RYR2: variants seen among roughly 807,000 people sequenced by gnomAD.
The protein encoded by RYR2 is ryanodine receptor 2.
Under a neutral mutation model 601.1 loss-of-function variants are expected in RYR2, and 227 were observed. The ratio of observed to expected loss-of-function variants is 0.38; its 90% confidence interval spans 0.34 to 0.42. The LOEUF (loss-of-function observed/expected upper bound fraction) is 0.42. Among genes scored for constraint, RYR2 ranks in the 10% least tolerant of loss-of-function variants. The pLI is 1.00. For missense variants in RYR2, 4,646 were observed against 6,156.5 expected, an observed-to-expected ratio of 0.75 and a Z score of 8.21; for synonymous variants, 2,223 against 2,175.1, an observed-to-expected ratio of 1.02 and a Z score of -0.61.
intron 53 of RYR2, among the ~76,000 whole-genome samples, chr1:237,656,396 A>T (rs1333538083): frequency 1.3e-5 from 2 of 152,220 alleles, no homozygotes; most frequent in Non-Finnish European, 2.9e-5. Context: ...CCCTTCACCC[A>T]TCACTACATC....
intron 12 of RYR2, among the ~76,000 whole-genome samples, chr1:237,425,835 A>G (rs995861111): frequency 6.6e-6 from 1 of 152,136 alleles, no homozygotes; most frequent in African/African-American, 2.4e-5. Flanking sequence ...GTCCAAATAC[A>G]TGTCGTTCAA....
At chr1:237,465,054 T>C (rs1288461152) in intron 16 of RYR2, among the ~76,000 whole-genome samples, 1 of 151,230 alleles carries the variant, frequency 6.6e-6, no homozygotes, top group Non-Finnish European at 1.5e-5. Context: ...GTAAAATGTA[T>C]TGGTACCCAT....
rs10679267 is a variant in RYR2 at position 237,687,366 on chromosome 1, C to CTTTT, written c.9018-74_9018-71dup. 1.8e-3 allele frequency: 476 copies of CTTTT among 258,872 alleles called. 2 individuals carry two copies. Among genetic ancestry groups the CTTTT allele is most frequent in the South Asian group, 2.5e-3 (60 of 24,144 alleles). 16.0% of individuals were successfully genotyped at this position (258,872 alleles called of 1,614,324 possible). ...CTGTTTTTTTTTCTTTTTTCTTCTT[C>CTTTT]TTTTTTTTTTTTTTTTTTAATTTCC... On this transcript the variant is annotated intron_variant, in intron 62 of 104. Coordinates refer to ENST00000366574, the MANE Select transcript of RYR2 (RefSeq NM_001035.3).
Position 237,614,499 on chromosome 1 carries a change from A to G in RYR2, c.5371A>G (p.Thr1791Ala), listed in dbSNP as rs1025023837. 8 of 1,613,756 alleles carry G rather than the reference A, an allele frequency of 5.0e-6. No individual in the cohort carries two copies. The African/African-American group carries it at 9.3e-5, about 19-fold the overall frequency. ...EFPLDILKSK[T>A]IQMLTEAVKE... ...CCCACTGGACATCCTCAAGTCCAAA[A>G]CCATACAGATGCTGACAGAAGCTGT... is the stretch of plus-strand genomic sequence containing the variant. The change falls in exon 37 of 105, where the codon ACC becomes GCC. Residue 1791 changes from threonine to alanine, a missense_variant. Around this residue, in one of 17 missense-constraint regions of RYR2, gnomAD observed 1,807 missense variants for 2,088.1 expected, o/e 0.87. Coordinates refer to ENST00000366574, the MANE Select transcript of RYR2 (RefSeq NM_001035.3). The surrounding 1 kb of genome is among the most constrained non-coding windows in gnomAD (Gnocchi z 4.3).
At chr1:237,537,599 G>T (rs977909357) in intron 25 of RYR2, among the ~76,000 whole-genome samples, 1 of 152,150 alleles carries the variant, frequency 6.6e-6, no homozygotes, top group African/African-American at 2.4e-5. Context: ...ACAGGTGTGA[G>T]CCACCGTGCC....
In RYR2 at chr1:237,584,649, G is replaced by GTTTTTTGTT. The variant is rs763528934; in HGVS notation, c.3599-5138_3599-5137insGTTTTTTTT. ...AAGGCCCAAATCCAGCTCACCACCTGTTTTTTTTTTTTTTTTTTTTTTTTG... is the reference window on the plus strand; with the variant it reads ...AAGGCCCAAATCCAGCTCACCACCTGTTTTTTGTTTTTTTTTTTTTTTTTTTTTTTTTTG... On this transcript the variant is annotated intron_variant, in intron 29 of 104. Transcript: ENST00000366574. Among the ~76,000 whole-genome samples the GTTTTTTGTT allele has an allele frequency of 9.7e-3, 701 of 72,378 alleles. 7 individuals carry two copies. The highest frequency in any genetic ancestry group is 0.021 in the African/African-American group (388 of 18,784). The allele number at this position is 72,378 out of a possible 152,430, so 47.5% of individuals were successfully genotyped here.
At chr1:237,822,090 G>A (rs557650233) in intron 101 of RYR2, among the ~76,000 whole-genome samples, 2 of 152,218 alleles carry the variant, frequency 1.3e-5, no homozygotes, top group Non-Finnish European at 2.9e-5. Context: ...AACCAAGTTG[G>A]AAAACACTCT....
At chr1:237,772,174 GT>G (rs1312411346) in intron 86 of RYR2, 74 bp downstream of exon 86, 5 of 804,620 alleles carry the variant, frequency 6.2e-6, no homozygotes, top group Non-Finnish European at 1.0e-5. Flanking sequence ...GTTTTAATGT[GT>G]TTTGGTTTAT....
intron 1 of RYR2, among the ~76,000 whole-genome samples, chr1:237,105,754 A>G (rs1170890648): frequency 6.6e-6 from 1 of 150,588 alleles, no homozygotes; most frequent in Non-Finnish European, 1.5e-5. Flanking sequence ...GAATCGCTTG[A>G]ACCCAGGAGG....
At chr1:237,611,842 C>G (rs1677903763) in intron 36 of RYR2, among the ~76,000 whole-genome samples, 1 of 151,926 alleles carries the variant, frequency 6.6e-6, no homozygotes, top group Non-Finnish European at 1.5e-5. Flanking sequence ...AAAATTTAAC[C>G]TATGCTTTGG....
intron 1 of RYR2, among the ~76,000 whole-genome samples, chr1:237,217,970 A>G (rs1316914292): frequency 6.6e-6 from 1 of 152,244 alleles, no homozygotes; most frequent in African/African-American, 2.4e-5. Context: ...TTAGTGACTA[A>G]TAACTTTGTG....
intron 100 of RYR2, among the ~76,000 whole-genome samples, chr1:237,814,111 C>T (rs970236339): frequency 6.6e-6 from 1 of 152,206 alleles, no homozygotes; most frequent in Non-Finnish European, 1.5e-5. Flanking sequence ...CAAACACTTA[C>T]TTTTAATTTG....
intron 24 of RYR2, among the ~76,000 whole-genome samples, chr1:237,529,553 A>G (rs1267703659): frequency 2.0e-5 from 3 of 152,076 alleles, no homozygotes; most frequent in Admixed American, 1.3e-4. Context: ...TATTATAGAG[A>G]TAAGTATTAT....
intron 78 of RYR2, 52 bp downstream of exon 78, chr1:237,732,201 C>G: frequency 3.8e-6 from 4 of 1,043,496 alleles, no homozygotes; most frequent in Non-Finnish European, 5.9e-6. Flanking sequence ...TAAAGACACC[C>G]GTGTCTGAGT....
intron 1 of RYR2, among the ~76,000 whole-genome samples, chr1:237,060,053 CA>C (rs1194215902): frequency 6.6e-6 from 1 of 152,172 alleles, no homozygotes; most frequent in African/African-American, 2.4e-5. Flanking sequence ...AGATTTCCTT[CA>C]AAGTCTGTGT....
intron 1 of RYR2, among the ~76,000 whole-genome samples, chr1:237,133,085 C>T (rs560142934): frequency 3.4e-4 from 51 of 152,118 alleles, no homozygotes; most frequent in South Asian, 1.0e-3. Flanking sequence ...GAGGAGACAG[C>T]GTGGGTTGGG....
chr1:237,819,821 AACAC>A lies in RYR2; in HGVS notation c.14590+634_14590+637del, dbSNP rs1330934814. On this transcript the variant is annotated intron_variant, in intron 101 of 104. Coordinates refer to ENST00000366574, the MANE Select transcript of RYR2 (RefSeq NM_001035.3). This position sits in a 1 kb window ranked among gnomAD's most constrained non-coding sequence, Gnocchi z 4.0. ...CAACAAGAGCGAAACTCCATTTCAA[AACAC>A]ACACTCAAACCCAACAACAACAACA... Among the ~76,000 whole-genome samples, 1 of 151,648 alleles carries A rather than the reference AACAC, an allele frequency of 6.6e-6. No individual in the cohort carries two copies. Among genetic ancestry groups the A allele is most frequent in the Non-Finnish European group, 1.5e-5 (1 of 67,974 alleles).
chr1:237,669,350 A>G (rs1317791785), intron 58 of RYR2, among the ~76,000 whole-genome samples: 4 of 151,944 alleles, frequency 2.6e-5, no homozygotes, highest in East Asian at 2.0e-4. Context: ...ATTCCACAAA[A>G]CCGCCATTGT....
At chr1:237,460,363 G>A (rs1659340332) in intron 16 of RYR2, among the ~76,000 whole-genome samples, 1 of 152,176 alleles carries the variant, frequency 6.6e-6, no homozygotes, top group African/African-American at 2.4e-5. Flanking sequence ...CATTGGTCTT[G>A]ACTGATCAGG....
Sources: gnomAD v4.1 joint callset for allele counts (sites outside exome capture counted in the v4.1 genomes callset) on GRCh38, gnomAD v4.1.1 for gene constraint, gnomAD v4.1.1 regional missense constraint, Gnocchi (gnomAD v3.1) non-coding constraint, MANE v1.5 for transcripts, NCBI Gene and HGNC (gene_info 2026-07-23, HGNC 2026-07-21) for gene names.